The following RTL9 variants were observed in gnomAD, a reference collection of about 807,000 sequenced individuals.
The protein encoded by RTL9 is retrotransposon Gag-like protein 9.
A neutral mutation model predicts 44.7 loss-of-function variants in RTL9; 19 were observed. The ratio of observed to expected loss-of-function variants is 0.42; its 90% confidence interval spans 0.30 to 0.62. The LOEUF (loss-of-function observed/expected upper bound fraction) is 0.62. RTL9 is among the 20% of genes least tolerant of loss of function. The pLI is 0.16. For synonymous variants in RTL9, 407 were observed against 398.9 expected (o/e 1.02, Z -0.24); for missense variants, 1,105 against 1,080.6 (o/e 1.02, Z -0.32).
At chrX:110,449,986 G>A (rs2068929371), upstream of RTL9, among the ~76,000 whole-genome samples, 1 of 111,858 alleles carries the variant, frequency 8.9e-6, no homozygotes, top group South Asian at 3.8e-4. Context: ...TTATTAATAA[G>A]AATAATGAAA....
At chrX:110,450,962 A>G in exon 1 of RTL9, 1 of 1,211,940 alleles carries the variant, frequency 8.3e-7, no homozygotes, top group Non-Finnish European at 1.1e-6. Context: ...CACTGTCCCC[A>G]TTGCTAATGC....
chrX:110,374,991 C>T (rs185858728), intron 1 of RTL9, among the ~76,000 whole-genome samples: 6 of 111,376 alleles, frequency 5.4e-5, no homozygotes, highest in Non-Finnish European at 9.4e-5. Context: ...GGCTAACTAA[C>T]CCAGGAAAGA....
chrX:110,454,201 GAGC>G (rs1311044961), exon 1 of RTL9: 6 of 1,209,947 alleles, frequency 5.0e-6, no homozygotes, highest in Non-Finnish European at 5.6e-6. Context: ...CTTCATCTGG[GAGC>G]AGCAGAGAGG....
At chrX:110,361,776 C>T (rs955879474) in intron 1 of RTL9, among the ~76,000 whole-genome samples, 1 of 112,366 alleles carries the variant, frequency 8.9e-6, no homozygotes, top group Non-Finnish European at 1.9e-5. Context: ...CATCTATCTC[C>T]TTCTGCTAGA....
At chrX:110,442,686 G>C (rs752845006) in intron 1 of RTL9, among the ~76,000 whole-genome samples, 7 of 111,844 alleles carry the variant, frequency 6.3e-5, no homozygotes, top group African/African-American at 9.8e-5. Context: ...GATGGACTAA[G>C]CCTCAGAATT....
intron 1 of RTL9, 62 bp downstream of exon 3, chrX:110,454,726 A>C (rs1482059119): frequency 1.0e-6 from 1 of 966,103 alleles, no homozygotes; most frequent in African/African-American, 2.0e-5. Context: ...CACGACAGGG[A>C]ATACATCCTG....
At chrX:110,388,917 C>G (rs980691401) in intron 1 of RTL9, among the ~76,000 whole-genome samples, 1 of 112,266 alleles carries the variant, frequency 8.9e-6, no homozygotes, top group African/African-American at 3.2e-5. Context: ...GGCTAGGAAA[C>G]CAGAATGGTC....
chrX:110,367,979 T>TATC (rs2068309538), intron 1 of RTL9, among the ~76,000 whole-genome samples: 1 of 88,563 alleles, frequency 1.1e-5, no homozygotes, highest in African/African-American at 4.7e-5. Flanking sequence ...GGCTAATTAT[T>TATC]ATTATTATTA....
At chrX:110,426,722 G>A (rs1169055606) in intron 1 of RTL9, 1 of 111,790 alleles carries the variant, frequency 8.9e-6, no homozygotes, top group African/African-American at 3.3e-5. Context: ...TCATGTCAGG[G>A]TAGTCACCGT....
intron 1 of RTL9, among the ~76,000 whole-genome samples, chrX:110,406,823 T>C (rs1338582949): frequency 1.8e-5 from 2 of 112,287 alleles, no homozygotes; most frequent in Non-Finnish European, 1.9e-5. Context: ...TCCATAAATA[T>C]TGACTGATTG....
At chrX:110,380,480 A>G (rs763725975) in intron 1 of RTL9, among the ~76,000 whole-genome samples, 12 of 112,436 alleles carry the variant, frequency 1.1e-4, no homozygotes, top group Non-Finnish European at 1.9e-4. Context: ...TTCCACACTC[A>G]TTAATTAGAA....
chrX:110,439,470 G>A (rs1169447207), intron 1 of RTL9, among the ~76,000 whole-genome samples: 3 of 112,270 alleles, frequency 2.7e-5, no homozygotes, highest in African/African-American at 9.7e-5. Flanking sequence ...ATCTTTCACT[G>A]TTTCAGCAAA....
intron 1 of RTL9, 108 bp downstream of exon 3, chrX:110,454,772 G>A (rs2068970858): frequency 1.5e-5 from 10 of 663,007 alleles, no homozygotes; most frequent in Admixed American, 7.8e-5. Flanking sequence ...GCAAGGGGGA[G>A]GCATGGAGCT....
upstream of RTL9, among the ~76,000 whole-genome samples, chrX:110,447,065 T>A (rs2148345890): frequency 9.3e-6 from 1 of 106,954 alleles, no homozygotes; most frequent in African/African-American, 3.4e-5. Context: ...ATAATAATAA[T>A]AGTAGTTGTT....
At chrX:110,432,496 G>A (rs773457101) in intron 1 of RTL9, among the ~76,000 whole-genome samples, 1 of 112,272 alleles carries the variant, frequency 8.9e-6, no homozygotes, top group South Asian at 3.8e-4. Context: ...CCCAGCTGCT[G>A]TTGTGAGGCA....
At chrX:110,436,751 G>C (rs1029535688) in intron 1 of RTL9, among the ~76,000 whole-genome samples, 1 of 111,790 alleles carries the variant, frequency 8.9e-6, no homozygotes, top group Non-Finnish European at 1.9e-5. Context: ...GTACCCTGGG[G>C]CCCAGACAAG....
intron 1 of RTL9, among the ~76,000 whole-genome samples, chrX:110,443,649 G>A (rs761366144): frequency 2.4e-4 from 27 of 112,192 alleles, no homozygotes; most frequent in Admixed American, 3.8e-4. Context: ...TTATTTGAGA[G>A]AACAGAAGAT....
intron 1 of RTL9, among the ~76,000 whole-genome samples, chrX:110,428,621 G>T (rs1010552674): frequency 9.0e-6 from 1 of 110,656 alleles, no homozygotes; most frequent in South Asian, 3.9e-4. Context: ...CCAAGATGTG[G>T]CTTTCTAAAA....
At chrX:110,402,393 T>G (rs1038539606) in intron 1 of RTL9, among the ~76,000 whole-genome samples, 14 of 112,989 alleles carry the variant, frequency 1.2e-4, no homozygotes, top group Admixed American at 1.1e-3. Context: ...GGGTTATTAT[T>G]TATATCTGAG....
Sources: gnomAD v4.1 joint callset for allele counts (sites outside exome capture counted in the v4.1 genomes callset) on GRCh38, gnomAD v4.1.1 for gene constraint, MANE v1.5 for transcripts, NCBI Gene and HGNC (gene_info 2026-07-23, HGNC 2026-07-21) for gene names.